MMP28: variants seen among roughly 807,000 people sequenced by gnomAD.
MMP28 encodes the protein matrix metalloproteinase-28.
A neutral mutation model predicts 60.5 loss-of-function variants in MMP28; 55 were observed. That is an observed-to-expected ratio of 0.91 (90% CI 0.73 to 1.14). The LOEUF (loss-of-function observed/expected upper bound fraction) is 1.14, where lower values mean the gene tolerates loss of function less well. Among genes scored for constraint, MMP28 ranks in the 50% most tolerant of loss-of-function variants. MMP28 has a pLI of 0.00. For missense variants in MMP28, 686 were observed against 738.3 expected (o/e 0.93, Z 0.82); for synonymous variants, 318 against 312.5 (o/e 1.02, Z -0.18).
downstream of MMP28, chr17:35,764,431 G>A: frequency 2.6e-6 from 4 of 1,538,218 alleles, no homozygotes; most frequent in East Asian, 5.1e-5. Flanking sequence ...GGCAGGAAGC[G>A]GAGCCTCCCG....
chr17:35,787,576 C>T (rs909075719), intron 1 of MMP28, among the ~76,000 whole-genome samples: 1 of 151,976 alleles, frequency 6.6e-6, no homozygotes, highest in Admixed American at 6.6e-5. Flanking sequence ...CTGCAATCTC[C>T]GCCTCCTGGG....
At chr17:35,781,856 C>T (rs1182569181) in intron 1 of MMP28, among the ~76,000 whole-genome samples, 1 of 151,234 alleles carries the variant, frequency 6.6e-6, no homozygotes, top group Non-Finnish European at 1.5e-5. Flanking sequence ...TTTTCTTTTC[C>T]TTTTTTATGT....
At chr17:35,769,550 C>A (rs994831553) in intron 5 of MMP28, among the ~76,000 whole-genome samples, 2 of 152,178 alleles carry the variant, frequency 1.3e-5, no homozygotes, top group African/African-American at 2.4e-5. Flanking sequence ...ACTGGCCCAC[C>A]CTGGGGAAGA....
In MMP28 at chr17:35,772,777, G is replaced by A. The variant is rs148378098; in HGVS notation, c.604+403C>T. Among the ~76,000 whole-genome samples, 425 of 152,296 alleles carry A rather than the reference G, an allele frequency of 2.8e-3. 3 individuals are homozygous for A. The highest frequency in any genetic ancestry group is 9.8e-3 in the African/African-American group (408 of 41,576). On this transcript the variant is annotated intron_variant, in intron 4 of 7. Transcript: ENST00000605424. ...GGGTGCCTCTTGCCCTGTGGCAGCG[G>A]CTCTGGTAGTTGGGGGTGGGGGAGC...
chr17:35,767,029 G>A, intron 7 of MMP28, 135 bp from the exon 8 acceptor site: 1 of 830,382 alleles, frequency 1.2e-6, no homozygotes, highest in South Asian at 1.4e-5. Context: ...CAATCAAACG[G>A]ATTGCACTAC....
intron 1 of MMP28, among the ~76,000 whole-genome samples, chr17:35,794,399 C>T (rs2086904335): frequency 6.6e-6 from 1 of 151,848 alleles, no homozygotes; most frequent in Non-Finnish European, 1.5e-5. Flanking sequence ...GCGCCTGCCA[C>T]TACGTCTGGC....
chr17:35,764,254 C>A (rs1598409848), downstream of MMP28: 2 of 1,539,896 alleles, frequency 1.3e-6, no homozygotes, highest in East Asian at 5.0e-5. Flanking sequence ...TGCTGCGGCG[C>A]GCGGACAGCG....
downstream of MMP28, chr17:35,761,098 A>AT: frequency 4.2e-6 from 3 of 711,460 alleles, no homozygotes; most frequent in Non-Finnish European, 6.2e-6. Flanking sequence ...CGCCTTCCTG[A>AT]ATTTTTTTTT....
downstream of MMP28, among the ~76,000 whole-genome samples, chr17:35,762,837 G>T (rs2085847886): frequency 1.3e-5 from 2 of 152,072 alleles, no homozygotes; most frequent in South Asian, 4.1e-4. Context: ...ATTAAAATGG[G>T]ATCAGTGGCC....
chr17:35,772,970 C>A (rs1555606256), intron 4 of MMP28, among the ~76,000 whole-genome samples: 1 of 152,222 alleles, frequency 6.6e-6, no homozygotes, highest in Non-Finnish European at 1.5e-5. Context: ...CCTTGCAGAG[C>A]TTCATCTGAC....
intron 2 of MMP28, among the ~76,000 whole-genome samples, chr17:35,758,549 G>A (rs111564571): frequency 0.037 from 5,647 of 152,052 alleles, 205 homozygotes; most frequent in South Asian, 0.18. Context: ...AAAATTAGCC[G>A]GACATGGTGG....
At chr17:35,758,221 G>A (rs782619609) in intron 2 of MMP28, 37 of 152,132 alleles carry the variant, frequency 2.4e-4, no homozygotes, top group Non-Finnish European at 1.9e-4. Flanking sequence ...CTTTTGGAGA[G>A]ATATTCAGTC....
At chr17:35,794,823 C>G (rs2086918560) in intron 1 of MMP28, among the ~76,000 whole-genome samples, 1 of 152,288 alleles carries the variant, frequency 6.6e-6, no homozygotes, top group East Asian at 1.9e-4. Flanking sequence ...AGCAGGTCAG[C>G]GGCGGTCCCC....
intron 5 of MMP28, among the ~76,000 whole-genome samples, chr17:35,769,699 A>G (rs1255287259): frequency 6.6e-6 from 1 of 150,982 alleles, no homozygotes; most frequent in African/African-American, 2.4e-5. Flanking sequence ...GGGATGGGGG[A>G]AGAGGTGGGC....
chr17:35,764,161 A>G (rs2143111870), downstream of MMP28: 1 of 1,548,820 alleles, frequency 6.5e-7, no homozygotes, highest in African/African-American at 1.4e-5. Flanking sequence ...CGCCGCGGGT[A>G]GCGGAGGAGG....
downstream of MMP28, chr17:35,764,285 C>G: frequency 2.0e-6 from 3 of 1,526,974 alleles, no homozygotes; most frequent in South Asian, 1.2e-5. Flanking sequence ...CTGGCTCGGC[C>G]CCTTAGCGCT....
intron 2 of MMP28, among the ~76,000 whole-genome samples, chr17:35,760,513 T>C (rs2085798047): frequency 6.6e-6 from 1 of 152,166 alleles, no homozygotes; most frequent in African/African-American, 2.4e-5. Context: ...AATATAATGA[T>C]ACAAACAAAC....
In MMP28 at chr17:35,785,262, T is replaced by C. The variant is rs564973726; in HGVS notation, c.112-5939A>G. Among the ~76,000 whole-genome samples the C allele has an allele frequency of 5.9e-5, 9 of 152,084 alleles. 1 individual carries two copies. The South Asian group carries it at 1.9e-3, about 32-fold the overall frequency. ...CCATTTCTGCGCAGGGCAGGACCAG[T>C]GATGAGGTGCAGCAAAATGAACCCA... On this transcript the variant is annotated intron_variant, in intron 1 of 7. Transcript: ENST00000605424.
downstream of MMP28, chr17:35,764,003 G>A (rs782623133): frequency 1.3e-6 from 2 of 1,533,060 alleles, no homozygotes; most frequent in South Asian, 1.2e-5. Context: ...CTCCCGGCCC[G>A]CAGGTGTGAA....
Sources: allele counts gnomAD v4.1 joint callset (sites outside exome capture counted in the v4.1 genomes callset), GRCh38; gene constraint gnomAD v4.1.1; transcripts MANE v1.5; gene names NCBI Gene and HGNC (gene_info 2026-07-23, HGNC 2026-07-21).